Variants in MYO16 observed in about 807,000 individuals in gnomAD.
MYO16 encodes the protein myosin XVI.
Under a neutral mutation model 205.3 loss-of-function variants are expected in MYO16, and 94 were observed. That is an observed-to-expected ratio of 0.46 (90% CI 0.39 to 0.54). The LOEUF (loss-of-function observed/expected upper bound fraction) is 0.54, where lower values mean the gene tolerates loss of function less well. MYO16 is among the 20% of genes least tolerant of loss of function. The pLI is 0.00. For synonymous variants in MYO16, 988 were observed against 954.0 expected, an observed-to-expected ratio of 1.04 and a Z score of -0.66; for missense variants, 2,315 against 2,387.5, an observed-to-expected ratio of 0.97 and a Z score of 0.63.
At chr13:108,855,605 T>G (rs371842244) in intron 11 of MYO16, 52 bp downstream of exon 11, 1 of 1,256,234 alleles carries the variant, frequency 8.0e-7, no homozygotes, top group Non-Finnish European at 1.1e-6. Flanking sequence ...GCTGCATATT[T>G]TTATCACCCT....
chr13:109,196,852 TTAAAAA>T (rs560647359), intron 34 of MYO16, among the ~76,000 whole-genome samples: 53 of 152,300 alleles, frequency 3.5e-4, no homozygotes, highest in African/African-American at 1.2e-3. Flanking sequence ...AATGTCAACT[TTAAAAA>T]TAAAAATTAC....
At chr13:108,759,604 G>A (rs112890699) in intron 4 of MYO16, among the ~76,000 whole-genome samples, 4,152 of 152,186 alleles carry the variant, frequency 0.027, 173 homozygotes, top group African/African-American at 0.095. Context: ...GGCGGATCAC[G>A]AGGTCAGGAG....
At chr13:108,575,991 G>T in the MYO16 span, among the ~76,000 whole-genome samples, 1 of 152,084 alleles carries the variant, frequency 6.6e-6, no homozygotes, top group Non-Finnish European at 1.5e-5. Flanking sequence ...GCTGGGGCTG[G>T]AAGGGATAGA....
At chr13:108,846,602 G>A (rs936390279) in intron 10 of MYO16, among the ~76,000 whole-genome samples, 2 of 151,906 alleles carry the variant, frequency 1.3e-5, no homozygotes, top group African/African-American at 4.8e-5. Context: ...GAATAGTTAT[G>A]TGAGCAAAGA....
intron 12 of MYO16, among the ~76,000 whole-genome samples, chr13:108,873,172 A>G (rs1038260804): frequency 6.6e-6 from 1 of 152,208 alleles, no homozygotes; most frequent in Non-Finnish European, 1.5e-5. Flanking sequence ...GTTTTAAATG[A>G]CAAATTTTGT....
rs1194659943 is a variant in MYO16, at chr13:109,162,210, T to C, written c.5165-2691T>C. On this transcript the variant is annotated intron_variant, in intron 32 of 34. Transcript: ENST00000457511. This position sits in a 1 kb window ranked among gnomAD's most constrained non-coding sequence, Gnocchi z 4.6. ...TTTGGCTGCAATTTAAATACATCAG[T>C]TGATGAGATAGAAATCAGTTGTGAG... Among the ~76,000 whole-genome samples the C allele has an allele frequency of 6.6e-6, 1 of 152,192 alleles. No individual in the cohort carries two copies. The highest frequency in any genetic ancestry group is 2.4e-5 in the African/African-American group (1 of 41,432).
intron 28 of MYO16, among the ~76,000 whole-genome samples, chr13:109,116,024 A>G (rs1225193237): frequency 6.6e-6 from 1 of 152,238 alleles, no homozygotes; most frequent in East Asian, 1.9e-4. Flanking sequence ...AAAACATCCA[A>G]TGAGTATCTC....
chr13:108,701,468 C>T (rs1366609257), intron 2 of MYO16, among the ~76,000 whole-genome samples: 2 of 152,122 alleles, frequency 1.3e-5, no homozygotes, highest in African/African-American at 4.8e-5. Flanking sequence ...CTTCTTCCTA[C>T]CTTACACCAT....
intron 34 of MYO16, among the ~76,000 whole-genome samples, chr13:109,200,150 C>T (rs543701150): frequency 3.3e-5 from 5 of 152,140 alleles, no homozygotes; most frequent in Non-Finnish European, 5.9e-5. Flanking sequence ...TTAAAATGCC[C>T]TCTCAGGTAG....
chr13:109,101,265 C>A, intron 28 of MYO16: 1 of 164,630 alleles, frequency 6.1e-6, no homozygotes, highest in East Asian at 1.6e-4. Context: ...GAGTTGGTCT[C>A]TCATAAGTGC....
chr13:109,022,571 A>G lies in MYO16; in HGVS notation c.2796+2660A>G, dbSNP rs796748197. Among the ~76,000 whole-genome samples the G allele has an allele frequency of 6.8e-4, 82 of 121,130 alleles. 16 individuals are homozygous for G. In the South Asian group the frequency reaches 0.022, roughly 33 times the overall value. 79.5% of individuals were successfully genotyped at this position (121,130 alleles called of 152,430 possible). On this transcript the variant is annotated intron_variant, in intron 23 of 34. Transcript: ENST00000457511. ...ATATTTCTATATTCTACATACACATATAAACATATGTATATATTTCTATAT... is the reference window on the plus strand; with the variant it reads ...ATATTTCTATATTCTACATACACATGTAAACATATGTATATATTTCTATAT...
chr13:108,845,187 T>C (rs1392698912), intron 10 of MYO16, among the ~76,000 whole-genome samples: 1 of 152,250 alleles, frequency 6.6e-6, no homozygotes, highest in Non-Finnish European at 1.5e-5. Flanking sequence ...AGCCAGGTTT[T>C]CTAAAGATCT....
chr13:108,834,098 G>A (rs985759408), intron 9 of MYO16, among the ~76,000 whole-genome samples: 1 of 152,126 alleles, frequency 6.6e-6, no homozygotes, highest in Non-Finnish European at 1.5e-5. Context: ...CTGCACCAGA[G>A]AAGTTATACA....
At chr13:108,506,517 T>G in the MYO16 span, among the ~76,000 whole-genome samples, 1 of 149,726 alleles carries the variant, frequency 6.7e-6, no homozygotes, top group African/African-American at 2.4e-5. Context: ...TTCTGGATCC[T>G]GCAACTTTAG....
intron 4 of MYO16, among the ~76,000 whole-genome samples, chr13:108,745,889 A>G (rs1374639696): frequency 6.6e-6 from 1 of 152,188 alleles, no homozygotes; most frequent in African/African-American, 2.4e-5. Context: ...AAGCACTGCA[A>G]CAAAAATGAA....
At chr13:108,802,153 A>G (rs929552850) in intron 6 of MYO16, among the ~76,000 whole-genome samples, 3 of 152,266 alleles carry the variant, frequency 2.0e-5, no homozygotes, top group Admixed American at 6.5e-5. Flanking sequence ...TTTGTTGACA[A>G]TAGTCATCCT....
upstream of MYO16, among the ~76,000 whole-genome samples, chr13:108,626,847 A>G (rs9520954): frequency 0.79 from 115,455 of 146,568 alleles, 45,476 homozygotes; most frequent in East Asian, 0.85. Context: ...ATGTGTGTGT[A>G]TATATATATA....
intron 2 of MYO16, among the ~76,000 whole-genome samples, chr13:108,706,747 C>T (rs988888185): frequency 5.9e-5 from 9 of 152,288 alleles, no homozygotes; most frequent in South Asian, 2.1e-4. Context: ...AACCTGGCCA[C>T]GAAGACCTTG....
chr13:109,166,508 G>A (rs1290890103), intron 33 of MYO16: 1 of 152,236 alleles, frequency 6.6e-6, no homozygotes, highest in African/African-American at 2.4e-5. Flanking sequence ...TGAAGTCTTA[G>A]GGAAAGAAGA....
Sources: gnomAD v4.1 joint callset for allele counts (sites outside exome capture counted in the v4.1 genomes callset) on GRCh38, gnomAD v4.1.1 for gene constraint, Gnocchi (gnomAD v3.1) non-coding constraint, MANE v1.5 for transcripts, NCBI Gene and HGNC (gene_info 2026-07-23, HGNC 2026-07-21) for gene names.